The following PIGF variants were observed in gnomAD, a reference collection of about 807,000 sequenced individuals.
The protein encoded by PIGF is phosphatidylinositol glycan anchor biosynthesis class F.
PIGF carries 23 observed loss-of-function variants against 26.0 expected under a neutral mutation model. The observed-to-expected ratio is 0.88, with a 90% CI of 0.64 to 1.25. The LOEUF (loss-of-function observed/expected upper bound fraction) is 1.25. PIGF is among the 50% of genes most tolerant of loss of function. PIGF has a pLI of 0.00. For synonymous variants in PIGF, 93 were observed against 92.6 expected (o/e 1.00, Z -0.03); for missense variants, 278 against 249.9 (o/e 1.11, Z -0.76).
At chr2:46,614,698 C>T in intron 2 of PIGF, 1 of 365,668 alleles carries the variant, frequency 2.7e-6, no homozygotes, top group Non-Finnish European at 5.0e-6. Context: ...TATATAGGCT[C>T]ACAATATTAT....
chr2:46,594,884 CTT>C (rs1178054025), intron 4 of PIGF, among the ~76,000 whole-genome samples: 1 of 150,120 alleles, frequency 6.7e-6, no homozygotes, highest in Non-Finnish European at 1.5e-5. Context: ...GAGTTTCGCT[CTT>C]GTTGCCTAGG....
At chr2:46,608,432 T>A (rs1169813609) in intron 4 of PIGF, among the ~76,000 whole-genome samples, 1 of 152,210 alleles carries the variant, frequency 6.6e-6, no homozygotes, top group African/African-American at 2.4e-5. Context: ...ACATCATTCA[T>A]GAGGAATGGA....
At chr2:46,600,674 C>G (rs1670028454) in intron 4 of PIGF, among the ~76,000 whole-genome samples, 1 of 152,130 alleles carries the variant, frequency 6.6e-6, no homozygotes, top group South Asian at 2.1e-4. Flanking sequence ...AGAAGCACAA[C>G]CATACCATGA....
rs1156561810 is a variant in PIGF at position 46,581,608 on chromosome 2, T to C, written c.547-17A>G. 1.2e-6 allele frequency: 2 copies of C among 1,607,836 alleles called. No individual in the cohort carries two copies. The highest frequency in any genetic ancestry group is 2.2e-5 in the East Asian group (1 of 44,790). The stretch of plus-strand genomic sequence containing the variant: ...GGGCCATACCTGAGGAGAGAATGTA[T>C]GAGATCAAAAAAGAACAAATGTTTT... On this transcript the variant is annotated splice_polypyrimidine_tract_variant and intron_variant, in intron 5 of 5. Transcript: ENST00000281382.
intron 5 of PIGF, among the ~76,000 whole-genome samples, chr2:46,590,278 T>C (rs922445669): frequency 2.0e-5 from 3 of 152,284 alleles, no homozygotes; most frequent in Non-Finnish European, 4.4e-5. Flanking sequence ...TTCATCCTTA[T>C]TGTTAACAAG....
At chr2:46,595,167 T>C (rs1266817539) in intron 4 of PIGF, among the ~76,000 whole-genome samples, 1 of 152,126 alleles carries the variant, frequency 6.6e-6, no homozygotes, top group Admixed American at 6.5e-5. Context: ...AAATCAATGG[T>C]TTTTAGTATA....
chr2:46,585,195 G>A lies in PIGF; in HGVS notation c.547-3604C>T, dbSNP rs148909798. On this transcript the variant is annotated intron_variant, in intron 5 of 5. Transcript: ENST00000281382. ...ATAATTATTTTGTTTAAAGAAAATA[G>A]GAAACTTAGAACAAAGACATTCATG... 1.6e-3 allele frequency among the ~76,000 whole-genome samples: 251 copies of A among 152,228 alleles called. 3 individuals are homozygous for A. Among genetic ancestry groups the A allele is most frequent in the Non-Finnish European group, 1.6e-3 (106 of 68,006 alleles).
intron 4 of PIGF, among the ~76,000 whole-genome samples, chr2:46,603,500 T>C (rs1416471758): frequency 6.6e-6 from 1 of 151,828 alleles, no homozygotes; most frequent in Non-Finnish European, 1.5e-5. Context: ...GGTACTGGCA[T>C]AAAAACAGGC....
rs1294842052 is a variant in PIGF at position 46,592,498 on chromosome 2, G to C, written c.523C>G (p.Leu175Val). Residue 175 changes from leucine to valine, a missense_variant, in exon 5 of 6, where the codon CTG becomes GTG. Leu to Val is a conservative substitution (Grantham distance 32). Transcript: ENST00000281382. ...GAWLGALPIP[L>V]DWERPWQVWP... ...ACCTGCCATGGTCTTTCCCAATCCAGTGGAATAGGAAGTGCTCCAAGCCAT... is the reference window on the plus strand; with the variant it reads ...ACCTGCCATGGTCTTTCCCAATCCACTGGAATAGGAAGTGCTCCAAGCCAT... The C allele has an allele frequency of 1.9e-6, 3 of 1,597,614 alleles. No individual in the cohort carries two copies. The highest frequency in any genetic ancestry group is 2.2e-5 in the South Asian group (2 of 90,758).
chr2:46,601,723 C>T (rs1324382578), intron 4 of PIGF, among the ~76,000 whole-genome samples: 1 of 151,954 alleles, frequency 6.6e-6, no homozygotes, highest in African/African-American at 2.4e-5. Flanking sequence ...TATTTTCACT[C>T]TTAGTGTCCA....
At chr2:46,606,451 T>C (rs1442607469) in intron 4 of PIGF, among the ~76,000 whole-genome samples, 1 of 152,180 alleles carries the variant, frequency 6.6e-6, no homozygotes, top group African/African-American at 2.4e-5. Flanking sequence ...TGTGTTTAGT[T>C]TTTACAAATG....
At chr2:46,614,476 A>T (rs980280440) in intron 2 of PIGF, 1 of 156,416 alleles carries the variant, frequency 6.4e-6, no homozygotes, top group African/African-American at 2.4e-5. Flanking sequence ...TATTCTGGAA[A>T]ATTGATTCTA....
At chr2:46,585,580 A>G (rs1463025109) in intron 5 of PIGF, among the ~76,000 whole-genome samples, 1 of 152,220 alleles carries the variant, frequency 6.6e-6, no homozygotes, top group Non-Finnish European at 1.5e-5. Flanking sequence ...CATGAAAGCT[A>G]TAAAGTACCA....
chr2:46,595,693 A>C (rs560776026), intron 4 of PIGF, among the ~76,000 whole-genome samples: 145 of 152,322 alleles, frequency 9.5e-4, no homozygotes, highest in African/African-American at 3.2e-3. Context: ...CTCTTCCAAA[A>C]TGGCTGAACC....
At chr2:46,586,193 G>A (rs533209057) in intron 5 of PIGF, among the ~76,000 whole-genome samples, 1 of 152,230 alleles carries the variant, frequency 6.6e-6, no homozygotes, top group South Asian at 2.1e-4. Context: ...TACCTCAGAA[G>A]GTTACCCTGC....
intron 5 of PIGF, among the ~76,000 whole-genome samples, chr2:46,585,017 CTA>C (rs1669523546): frequency 6.6e-6 from 1 of 152,192 alleles, no homozygotes; most frequent in African/African-American, 2.4e-5. Flanking sequence ...TCCTTTAAAA[CTA>C]TTTCCTTATC....
intron 4 of PIGF, among the ~76,000 whole-genome samples, chr2:46,596,797 C>T (rs955324856): frequency 5.3e-5 from 8 of 152,160 alleles, no homozygotes; most frequent in Non-Finnish European, 1.2e-4. Context: ...CTGACTCACG[C>T]CCCTTCTACA....
rs1373000697 is a variant in PIGF at position 46,592,734 on chromosome 2, TATTAATA to T, written c.438-158_438-152del. ...TGACATATACATATTTACCATGAAC[TATTAATA>T]GTTAATTGGTAAGAAGATGTAAATG... On this transcript the variant is annotated intron_variant, in intron 4 of 5. Transcript: ENST00000281382. 5.2e-6 allele frequency: 3 copies of T among 576,116 alleles called. No homozygotes were observed. In the African/African-American group the frequency reaches 5.6e-5, roughly 11 times the overall value. 35.7% of individuals were successfully genotyped at this position (576,116 alleles called of 1,614,324 possible).
At chr2:46,603,473 T>C (rs1173668866) in intron 4 of PIGF, among the ~76,000 whole-genome samples, 3 of 150,994 alleles carry the variant, frequency 2.0e-5, no homozygotes, top group Non-Finnish European at 2.9e-5. Context: ...ACAGAGCTAC[T>C]GTAACCAAAA....
Sources: allele counts gnomAD v4.1 joint callset (sites outside exome capture counted in the v4.1 genomes callset), GRCh38; gene constraint gnomAD v4.1.1; transcripts MANE v1.5; gene names NCBI Gene and HGNC (gene_info 2026-07-23, HGNC 2026-07-21).